NAALADL2: variants seen among roughly 807,000 people sequenced by gnomAD.
NAALADL2 encodes the protein N-acetylated alpha-linked acidic dipeptidase like 2, also known as inactive N-acetylated-alpha-linked acidic dipeptidase-like protein 2.
In NAALADL2, 76 loss-of-function variants were observed where a neutral mutation model predicts 87.2. The observed-to-expected ratio is 0.87, with a 90% confidence interval of 0.72 to 1.05. NAALADL2 has a LOEUF of 1.05. Ranked by LOEUF, NAALADL2 falls within the 50% of genes least tolerant of loss-of-function variation. NAALADL2 has a pLI of 0.00. For synonymous variants in NAALADL2, 354 were observed against 331.0 expected, an observed-to-expected ratio of 1.07 and a Z score of -0.75; for missense variants, 1,089 against 945.8, an observed-to-expected ratio of 1.15 and a Z score of -1.99.
intron 1 of NAALADL2, among the ~76,000 whole-genome samples, chr3:175,087,670 G>A (rs896839582): frequency 7.2e-5 from 11 of 152,108 alleles, no homozygotes; most frequent in East Asian, 3.9e-4. Context: ...GATTAAGGGC[G>A]GTGCAAGATG....
intron 1 of NAALADL2, chr3:175,059,230 T>G (rs1011826276): frequency 6.6e-6 from 1 of 152,114 alleles, no homozygotes; most frequent in Non-Finnish European, 1.5e-5. Flanking sequence ...GGAAGTGAAA[T>G]ATTCTGTTAT....
intron 3 of NAALADL2, among the ~76,000 whole-genome samples, chr3:175,240,149 A>T (rs1159852230): frequency 6.6e-6 from 1 of 152,218 alleles, no homozygotes; most frequent in Non-Finnish European, 1.5e-5. Context: ...TAATGCCCTG[A>T]TCCTATGTTT....
chr3:175,244,376 T>A (rs1054105776), intron 3 of NAALADL2, among the ~76,000 whole-genome samples: 1 of 152,302 alleles, frequency 6.6e-6, no homozygotes, highest in South Asian at 2.1e-4. Context: ...ACTTTCTCTG[T>A]ACCTCTTTTT....
At chr3:175,275,924 C>T (rs537008859) in intron 4 of NAALADL2, among the ~76,000 whole-genome samples, 1 of 150,926 alleles carries the variant, frequency 6.6e-6, no homozygotes, top group East Asian at 1.9e-4. Flanking sequence ...AATTCATGAC[C>T]GTAACCTTAT....
At chr3:175,039,050 C>T (rs1414305510) in intron 1 of NAALADL2, among the ~76,000 whole-genome samples, 1 of 152,002 alleles carries the variant, frequency 6.6e-6, no homozygotes, top group Non-Finnish European at 1.5e-5. Context: ...GTAGCACCCC[C>T]CTTTTATTTT....
intron 5 of NAALADL2, among the ~76,000 whole-genome samples, chr3:175,351,224 A>G (rs1173093409): frequency 6.6e-6 from 1 of 152,088 alleles, no homozygotes; most frequent in East Asian, 1.9e-4. Flanking sequence ...GTTATCTATG[A>G]TATATTTTTT....
intron 1 of NAALADL2, among the ~76,000 whole-genome samples, chr3:174,980,350 T>C (rs1411714168): frequency 6.6e-6 from 1 of 152,142 alleles, no homozygotes; most frequent in Non-Finnish European, 1.5e-5. Flanking sequence ...ATGGTAATTA[T>C]AGAGGAAGGT....
chr3:174,866,876 T>A (rs1196979744), intron 1 of NAALADL2, among the ~76,000 whole-genome samples: 1 of 151,836 alleles, frequency 6.6e-6, no homozygotes, highest in Non-Finnish European at 1.5e-5. Context: ...AGTTTTAGCA[T>A]CATATTTTAT....
At chr3:174,883,462 A>G (rs1579346447) in intron 1 of NAALADL2, among the ~76,000 whole-genome samples, 1 of 152,178 alleles carries the variant, frequency 6.6e-6, no homozygotes, top group South Asian at 2.1e-4. Flanking sequence ...GCGGAAATGC[A>G]CTGATCCCCA....
chr3:174,714,140 A>G (rs373440761), intron 2 of NAALADL2, among the ~76,000 whole-genome samples: 10 of 151,470 alleles, frequency 6.6e-5, no homozygotes, highest in East Asian at 1.9e-4. Context: ...TGAGGGCTCT[A>G]TTCTGTTCCA....
At chr3:175,113,067 G>T (rs1224770236) in intron 2 of NAALADL2, among the ~76,000 whole-genome samples, 4 of 151,632 alleles carry the variant, frequency 2.6e-5, no homozygotes, top group African/African-American at 9.7e-5. Context: ...GCTTTCAGAA[G>T]TAGATTAGGA....
intron 3 of NAALADL2, among the ~76,000 whole-genome samples, chr3:174,786,449 CAAAAA>C (rs36127298): frequency 8.2e-6 from 1 of 122,664 alleles, no homozygotes; most frequent in African/African-American, 3.2e-5. Context: ...GACTCTGTCT[CAAAAA>C]AAAAAAAAAA....
At chr3:174,940,045 G>A (rs1347138068) in intron 1 of NAALADL2, among the ~76,000 whole-genome samples, 2 of 152,050 alleles carry the variant, frequency 1.3e-5, no homozygotes, top group Non-Finnish European at 2.9e-5. Context: ...ATACTATGTT[G>A]AATAGAAGTG....
chr3:175,773,018 A>G (rs1559994845), intron 13 of NAALADL2: 1 of 152,126 alleles, frequency 6.6e-6, no homozygotes, highest in Non-Finnish European at 1.5e-5. Context: ...CTGGGGTAGG[A>G]TTTAGGCATG....
At position 175,103,888 on chromosome 3, in the gene NAALADL2, G is replaced by A. The variant is rs976250686; in HGVS notation, c.545+6597G>A. Among the ~76,000 whole-genome samples, 21 of 152,146 alleles carry A rather than the reference G, an allele frequency of 1.4e-4. No homozygotes were observed. In the South Asian group the frequency reaches 1.9e-3, roughly 14 times the overall value. ...CCTGACAAAATTGATCTGCTGAAAG[G>A]AGAAAATCTCTGTCCAATCTACCTA... On this transcript the variant is annotated intron_variant, in intron 2 of 13. Transcript: ENST00000454872.
intron 11 of NAALADL2, among the ~76,000 whole-genome samples, chr3:175,650,783 A>G (rs1005837285): frequency 2.6e-5 from 4 of 152,158 alleles, no homozygotes; most frequent in African/African-American, 9.7e-5. Flanking sequence ...CTTTTCTCTT[A>G]TTAAAGATAC....
At chr3:175,475,307 C>T (rs1357594896) in intron 9 of NAALADL2, among the ~76,000 whole-genome samples, 2 of 151,950 alleles carry the variant, frequency 1.3e-5, no homozygotes, top group Non-Finnish European at 2.9e-5. Context: ...TGCCTTCATG[C>T]AAAGTAGATT....
At chr3:174,908,470 C>T (rs1217937076) in intron 1 of NAALADL2, among the ~76,000 whole-genome samples, 1 of 151,996 alleles carries the variant, frequency 6.6e-6, no homozygotes, top group South Asian at 2.1e-4. Flanking sequence ...AGAAACAGGC[C>T]AGTGGCTACA....
intron 1 of NAALADL2, among the ~76,000 whole-genome samples, chr3:174,978,829 A>G (rs1205975353): frequency 1.3e-5 from 2 of 152,214 alleles, no homozygotes; most frequent in Non-Finnish European, 2.9e-5. Flanking sequence ...AGCCCAAGAA[A>G]TGATATAGTA....
Sources: allele counts gnomAD v4.1 joint callset (sites outside exome capture counted in the v4.1 genomes callset), GRCh38; gene constraint gnomAD v4.1.1; transcripts MANE v1.5; gene names NCBI Gene and HGNC (gene_info 2026-07-23, HGNC 2026-07-21).